The following KLHL25 variants were observed in gnomAD, a reference collection of about 807,000 sequenced individuals.
KLHL25 encodes kelch like family member 25.
KLHL25 carries 41 observed loss-of-function variants against 30.0 expected under a neutral mutation model. That is an observed-to-expected ratio of 1.37 (90% confidence interval 1.07 to 1.78). KLHL25 has a LOEUF of 1.78. KLHL25 is among the 40% of genes most tolerant of loss of function. KLHL25 has a pLI of 0.00. For synonymous variants in KLHL25, 399 were observed against 355.3 expected (o/e 1.12, Z -1.38); for missense variants, 971 against 824.5 (o/e 1.18, Z -2.18).
At chr15:85,769,869 T>C (rs969420760) in intron 1 of KLHL25, 49 bp from the exon 2 acceptor site, 47 of 1,467,716 alleles carry the variant, frequency 3.2e-5, no homozygotes, top group Non-Finnish European at 4.3e-5. Flanking sequence ...CCTGCCCATC[T>C]GCCCTCTCAG....
chr15:85,766,717 C>G (rs986856008), intron 2 of KLHL25, among the ~76,000 whole-genome samples: 1 of 152,246 alleles, frequency 6.6e-6, no homozygotes. Context: ...CGATTCCACA[C>G]AATGACAGTG....
At chr15:85,779,923 T>A (rs969354643) in intron 1 of KLHL25, among the ~76,000 whole-genome samples, 1 of 152,214 alleles carries the variant, frequency 6.6e-6, no homozygotes, top group Non-Finnish European at 1.5e-5. Flanking sequence ...TTCACTGTAT[T>A]CTCTTGAGAT....
chr15:85,773,458 C>T (rs977254480), intron 1 of KLHL25, among the ~76,000 whole-genome samples: 1 of 152,242 alleles, frequency 6.6e-6, no homozygotes, highest in African/African-American at 2.4e-5. Flanking sequence ...CCGCCTCCTC[C>T]TCGCACTCAC....
chr15:85,770,363 A>C (rs761909998), intron 1 of KLHL25: 1 of 445,904 alleles, frequency 2.2e-6, no homozygotes. Context: ...GTTCAAGGTG[A>C]CTAATCCCTG....
Position 85,769,181 on chromosome 15 carries a change from G to C in KLHL25, c.630C>G (p.Val210=). The C allele has an allele frequency of 6.2e-7, 1 of 1,613,442 alleles. No homozygotes were observed. Among genetic ancestry groups the C allele is most frequent in the Non-Finnish European group, 8.5e-7 (1 of 1,179,944 alleles). ...TCACCCACTGGAGGATGGCCTCGAA[G>C]ACCACCCGCTCGTCCTCGGTCTCCA... ...DELETEDERV[V]FEAILQWVKH... Residue 210 remains valine (V), a synonymous_variant, in exon 2 of 3, where the codon GTC becomes GTG. Transcript: ENST00000337975.
At chr15:85,785,966 C>G (rs886608519) in intron 1 of KLHL25, among the ~76,000 whole-genome samples, 1 of 135,148 alleles carries the variant, frequency 7.4e-6, no homozygotes, top group African/African-American at 2.8e-5. Context: ...GCCGACCCAC[C>G]CCCCCGCCCC....
Position 85,769,148 on chromosome 15 carries a change from G to C in KLHL25, c.663C>G (p.Asp221Glu). 6.2e-7 allele frequency: 1 copy of C among 1,612,148 alleles called. No individual in the cohort carries two copies. The highest frequency in any genetic ancestry group is 8.5e-7 in the Non-Finnish European group (1 of 1,179,000). ...FEAILQWVKH[D>E]LEPRKVHLPE... ...GCAAGTGGACCTTCCGTGGCTCCAGGTCGTGCTTCACCCACTGGAGGATGG... is the reference window on the plus strand; with the variant it reads ...GCAAGTGGACCTTCCGTGGCTCCAGCTCGTGCTTCACCCACTGGAGGATGG... The change falls in exon 2 of 3, where the codon GAC (aspartate) becomes GAG (glutamate). Residue 221 changes from aspartate to glutamate, a missense_variant. Transcript: ENST00000337975.
intron 2 of KLHL25, chr15:85,761,597 T>C (rs1326623755): frequency 7.0e-6 from 1 of 143,134 alleles, no homozygotes; most frequent in Non-Finnish European, 1.5e-5. Context: ...GCTCTCCTGG[T>C]TCTGCAGCTT....
At chr15:85,776,029 C>T (rs543768002) in intron 1 of KLHL25, among the ~76,000 whole-genome samples, 3 of 150,680 alleles carry the variant, frequency 2.0e-5, no homozygotes, top group African/African-American at 7.3e-5. Flanking sequence ...AAAAATTACC[C>T]GGGCATGTTG....
intron 1 of KLHL25, among the ~76,000 whole-genome samples, chr15:85,773,396 CGACACCTG>C (rs2089689658): frequency 6.6e-6 from 1 of 152,240 alleles, no homozygotes; most frequent in South Asian, 2.1e-4. Flanking sequence ...CAGGCGGCTG[CGACACCTG>C]ACATGTGGTA....
At chr15:85,766,069 T>G (rs1399451664) in intron 2 of KLHL25, among the ~76,000 whole-genome samples, 1 of 152,156 alleles carries the variant, frequency 6.6e-6, no homozygotes, top group African/African-American at 2.4e-5. Context: ...ATGACTGCCT[T>G]CACTGGGTAG....
intron 2 of KLHL25, among the ~76,000 whole-genome samples, chr15:85,766,272 C>T (rs879696695): frequency 5.9e-5 from 9 of 152,208 alleles, no homozygotes; most frequent in Non-Finnish European, 1.3e-4. Flanking sequence ...TCCACAGTCT[C>T]GTCCTGTGCT....
chr15:85,793,072 C>CG (rs2089828147), intron 1 of KLHL25, among the ~76,000 whole-genome samples: 1 of 151,844 alleles, frequency 6.6e-6, no homozygotes, highest in African/African-American at 2.4e-5. Flanking sequence ...CCCCCGCCCC[C>CG]GCCCAAGTGA....
In KLHL25 at chr15:85,769,526, C is replaced by T. The variant is rs377188821; in HGVS notation, c.285G>A (p.Pro95=). The change falls in exon 2 of 3, where the codon CCG becomes CCA. Residue 95 remains proline (P), a synonymous_variant. Transcript: ENST00000337975. ...DTVNFQDNLH[P]EVLELLLDFA... Reference sequence around the variant, plus strand: ...AGTCCAGCAGCAGCTCCAGCACCTCCGGGTGCAGGTTGTCCTGGAAGTTGA... The same window carrying T: ...AGTCCAGCAGCAGCTCCAGCACCTCTGGGTGCAGGTTGTCCTGGAAGTTGA... 7.4e-6 allele frequency: 12 copies of T among 1,613,804 alleles called. No homozygotes were observed. The highest frequency in any genetic ancestry group is 4.5e-5 in the East Asian group (2 of 44,894).
intron 1 of KLHL25, among the ~76,000 whole-genome samples, chr15:85,785,488 C>A (rs1423373525): frequency 1.3e-5 from 2 of 152,006 alleles, no homozygotes; most frequent in African/African-American, 2.4e-5. Context: ...TCTGGGCAGT[C>A]AGAACTACAT....
chr15:85,773,777 C>T (rs972904912), intron 1 of KLHL25, among the ~76,000 whole-genome samples: 12 of 152,164 alleles, frequency 7.9e-5, no homozygotes, highest in South Asian at 4.1e-4. Flanking sequence ...GGGTGACAGC[C>T]GTGTTGCCAC....
chr15:85,792,516 C>T (rs995350563), intron 1 of KLHL25, among the ~76,000 whole-genome samples: 1 of 152,120 alleles, frequency 6.6e-6, no homozygotes, highest in African/African-American at 2.4e-5. Context: ...GTCTTTGGGA[C>T]CAGGGGGTAG....
intron 1 of KLHL25, among the ~76,000 whole-genome samples, chr15:85,786,253 G>C (rs1328380692): frequency 1.3e-5 from 2 of 152,140 alleles, no homozygotes. Flanking sequence ...AGGTCAGGCT[G>C]GCTGGGATCA....
At chr15:85,765,054 A>C (rs1007364226) in intron 2 of KLHL25, among the ~76,000 whole-genome samples, 1 of 152,070 alleles carries the variant, frequency 6.6e-6, no homozygotes, top group Non-Finnish European at 1.5e-5. Context: ...TCTGACCTGG[A>C]GGGTAGGCAG....
Sources: allele counts gnomAD v4.1 joint callset (sites outside exome capture counted in the v4.1 genomes callset), GRCh38; gene constraint gnomAD v4.1.1; transcripts MANE v1.5; gene names NCBI Gene and HGNC (gene_info 2026-07-23, HGNC 2026-07-21).